Variants in EPAS1 observed in about 807,000 individuals in gnomAD.
EPAS1 encodes the protein endothelial PAS domain protein 1.
In EPAS1, 23 loss-of-function variants were observed where a neutral mutation model predicts 87.9. The ratio of observed to expected loss-of-function variants is 0.26; its 90% CI spans 0.19 to 0.37. The LOEUF is 0.37. EPAS1 is among the 10% of genes least tolerant of loss of function. The probability of loss-of-function intolerance (pLI) is 1.00; values close to 1 mark genes in which losing one functional copy is unlikely to be tolerated. For missense variants in EPAS1, 1,138 were observed against 1,120.7 expected (o/e 1.02, Z -0.22); for synonymous variants, 508 against 444.3 (o/e 1.14, Z -1.80).
At position 46,297,682 on chromosome 2, in the gene EPAS1, C is replaced by T. The variant is rs989323715; in HGVS notation, c.-230C>T. The T allele has an allele frequency of 3.2e-5, 18 of 565,122 alleles. No homozygotes were observed. The African/African-American group carries it at 3.2e-4, about 10-fold the overall frequency. The allele number at this position is 565,122 out of a possible 1,614,324, so 35.0% of individuals were successfully genotyped here. ...GCCTCCACCCACTCCTTCCCCGGAC[C>T]CCGCCTCCGCGCGCAGGTTCCTCCC... On this transcript the variant is annotated 5_prime_UTR_variant, in exon 1 of 16. Transcript: ENST00000263734.
intron 1 of EPAS1, among the ~76,000 whole-genome samples, chr2:46,345,502 C>T (rs1382717347): frequency 1.3e-5 from 2 of 152,030 alleles, no homozygotes; most frequent in South Asian, 2.1e-4. Context: ...GTGCAAAGCC[C>T]GACTTCCCCA....
intron 2 of EPAS1, among the ~76,000 whole-genome samples, chr2:46,352,473 G>T (rs557234259): frequency 6.6e-6 from 1 of 152,176 alleles, no homozygotes; most frequent in Admixed American, 6.5e-5. Flanking sequence ...TAGGGAGCGC[G>T]TGCATTTTCC....
At chr2:46,334,958 CAT>C (rs1312948720) in intron 1 of EPAS1, among the ~76,000 whole-genome samples, 1 of 152,206 alleles carries the variant, frequency 6.6e-6, no homozygotes, top group African/African-American at 2.4e-5. Flanking sequence ...CAATACTAGA[CAT>C]GTGACCATGT....
intron 1 of EPAS1, among the ~76,000 whole-genome samples, chr2:46,338,409 G>A (rs973891564): frequency 6.6e-6 from 1 of 152,158 alleles, no homozygotes; most frequent in Non-Finnish European, 1.5e-5. Flanking sequence ...CATGGTGTCA[G>A]GGGTCGGGCA....
intron 1 of EPAS1, among the ~76,000 whole-genome samples, chr2:46,307,610 T>C (rs1193422757): frequency 6.6e-6 from 1 of 152,170 alleles, no homozygotes; most frequent in Non-Finnish European, 1.5e-5. Context: ...TAAGGGCCTT[T>C]GTCATGGCCA....
At chr2:46,305,919 G>A (rs1572612323) in intron 1 of EPAS1, among the ~76,000 whole-genome samples, 3 of 152,154 alleles carry the variant, frequency 2.0e-5, no homozygotes, top group South Asian at 4.1e-4. Flanking sequence ...GAAGCAGGGG[G>A]TACAGCCAAT....
chr2:46,334,001 C>T (rs565163792), intron 1 of EPAS1, among the ~76,000 whole-genome samples: 1 of 152,272 alleles, frequency 6.6e-6, no homozygotes, highest in Non-Finnish European at 1.5e-5. Flanking sequence ...TACTGTTCAG[C>T]AAGAATGCCT....
chr2:46,322,948 T>G (rs1346434244), intron 1 of EPAS1, among the ~76,000 whole-genome samples: 1 of 152,252 alleles, frequency 6.6e-6, no homozygotes, highest in Non-Finnish European at 1.5e-5. Context: ...TTGCAATTTC[T>G]GTACTAACCT....
In EPAS1 at chr2:46,381,593, C is replaced by T. The variant is rs1684892712; in HGVS notation, c.2046-3C>T. 1 of 1,613,996 alleles carries T rather than the reference C, an allele frequency of 6.2e-7. No individual in the cohort carries two copies. Among genetic ancestry groups the T allele is most frequent in the Non-Finnish European group, 8.5e-7 (1 of 1,180,026 alleles). On this transcript the variant is annotated splice_polypyrimidine_tract_variant and splice_region_variant and intron_variant, in intron 12 of 15. Coordinates refer to ENST00000263734, the MANE Select transcript of EPAS1 (RefSeq NM_001430.5). ...TCATAGCCTGCTCTCTCGGGCTTGG[C>T]AGGTCTGCAAAGGGTTTTGGGGCTC...
Position 46,356,146 on chromosome 2 carries a change from T to G in EPAS1, c.218-5T>G. 1 of 1,078,142 alleles carries G rather than the reference T, an allele frequency of 9.3e-7. No homozygotes were observed. The highest frequency in any genetic ancestry group is 1.4e-6 in the Non-Finnish European group (1 of 721,898). 66.8% of individuals were successfully genotyped at this position (1,078,142 alleles called of 1,614,324 possible). ...GCAAGCTGTCCCACCCCCCCCCCTT[T>G]CCAGTTTGCTCTGAAAACGAGTCCG... On this transcript the variant is annotated splice_polypyrimidine_tract_variant and splice_region_variant and intron_variant, in intron 2 of 15. Coordinates refer to ENST00000263734, the MANE Select transcript of EPAS1 (RefSeq NM_001430.5).
chr2:46,364,615 T>A (rs922150441), intron 6 of EPAS1, among the ~76,000 whole-genome samples: 12 of 152,232 alleles, frequency 7.9e-5, no homozygotes, highest in African/African-American at 9.6e-5. Flanking sequence ...TAATTGTTTT[T>A]AAAATAGTAA....
chr2:46,356,135 C>A lies in EPAS1; in HGVS notation c.218-16C>A, dbSNP rs778451930. ...TCCACATTCATGCAAGCTGTCCCAC[C>A]CCCCCCCCTTTCCAGTTTGCTCTGA... On this transcript the variant is annotated splice_polypyrimidine_tract_variant and intron_variant, in intron 2 of 15. Transcript: ENST00000263734. 70 of 1,242,886 alleles carry A rather than the reference C, an allele frequency of 5.6e-5. 1 individual carries two copies. Among genetic ancestry groups the A allele is most frequent in the Admixed American group, 5.3e-4 (26 of 49,270 alleles). 77.0% of individuals were successfully genotyped at this position (1,242,886 alleles called of 1,614,324 possible). A position where few individuals can be genotyped will look rare whatever the true frequency, so the allele number is the denominator to read the frequency against.
chr2:46,361,344 T>C (rs79139647), intron 6 of EPAS1, among the ~76,000 whole-genome samples: 2,438 of 152,266 alleles, frequency 0.016, 28 homozygotes, highest in Non-Finnish European at 0.021. Context: ...CTTCTCATCA[T>C]TGTGGTGTGA....
chr2:46,316,964 C>G (rs1683355289), intron 1 of EPAS1, among the ~76,000 whole-genome samples: 1 of 152,238 alleles, frequency 6.6e-6, no homozygotes, highest in Non-Finnish European at 1.5e-5. Context: ...TTACCAGGAG[C>G]AAATTCCATC....
intron 6 of EPAS1, among the ~76,000 whole-genome samples, chr2:46,365,240 G>A (rs1684476980): frequency 1.3e-5 from 2 of 152,142 alleles, no homozygotes; most frequent in Non-Finnish European, 2.9e-5. Context: ...AGTATCACCA[G>A]GGGAAGAGGT....
chr2:46,332,291 C>CGTGTGTGTGTGTGT (rs57893491), intron 1 of EPAS1, among the ~76,000 whole-genome samples: 1 of 110,800 alleles, frequency 9.0e-6, no homozygotes, highest in Non-Finnish European at 2.0e-5. Context: ...AAAAAAAATA[C>CGTGTGTGTGTGTGT]GTGTGTGTGT....
chr2:46,318,262 A>G (rs1683383602), intron 1 of EPAS1, among the ~76,000 whole-genome samples: 1 of 152,152 alleles, frequency 6.6e-6, no homozygotes, highest in Non-Finnish European at 1.5e-5. Flanking sequence ...ACATTTATTA[A>G]GATCACTGTC....
intron 1 of EPAS1, among the ~76,000 whole-genome samples, chr2:46,331,187 G>A (rs895462460): frequency 6.6e-6 from 1 of 152,218 alleles, no homozygotes; most frequent in Non-Finnish European, 1.5e-5. Context: ...AGCCCGGGCA[G>A]TCCTGCTGCA....
In EPAS1 at chr2:46,346,496, T is replaced by C. The variant is rs1307496131; in HGVS notation, c.27-377T>C. On this transcript the variant is annotated intron_variant, in intron 1 of 15. Transcript: ENST00000263734. The surrounding 1 kb of genome is among the most constrained non-coding windows in gnomAD (Gnocchi z 4.0). The stretch of plus-strand genomic sequence containing the variant: ...TTGACAAAGCCATCTGAGCCACTGA[T>C]CATAGCTTCCTTACCCTTCTCTTTC... Among the ~76,000 whole-genome samples, 1 of 152,204 alleles carries C rather than the reference T, an allele frequency of 6.6e-6. No individual in the cohort carries two copies. The highest frequency in any genetic ancestry group is 2.4e-5 in the African/African-American group (1 of 41,450).
Sources: allele counts gnomAD v4.1 joint callset (sites outside exome capture counted in the v4.1 genomes callset), GRCh38; gene constraint gnomAD v4.1.1; non-coding constraint Gnocchi (gnomAD v3.1); transcripts MANE v1.5; gene names NCBI Gene and HGNC (gene_info 2026-07-23, HGNC 2026-07-21).